Variants in BRINP1 observed in about 807,000 individuals in gnomAD.
BRINP1 encodes the protein BMP/retinoic acid inducible neural specific 1, also known as BMP/retinoic acid-inducible neural-specific protein 1.
BRINP1 carries 17 observed loss-of-function variants against 72.9 expected under a neutral mutation model. That is an observed-to-expected ratio of 0.23 (90% CI 0.16 to 0.35). The LOEUF (loss-of-function observed/expected upper bound fraction) is 0.35. Among genes scored for constraint, BRINP1 ranks in the 10% least tolerant of loss-of-function variants. The pLI is 1.00. For missense variants in BRINP1, 850 were observed against 1,001.6 expected (o/e 0.85, Z 2.04); for synonymous variants, 418 against 378.5 (o/e 1.10, Z -1.21).
At chr9:119,198,814 G>C (rs1829773651) in intron 7 of BRINP1, among the ~76,000 whole-genome samples, 1 of 151,932 alleles carries the variant, frequency 6.6e-6, no homozygotes, top group Non-Finnish European at 1.5e-5. Flanking sequence ...TGGGATTACA[G>C]GTGTGCATCA....
At chr9:119,300,073 G>T (rs963694321) in intron 2 of BRINP1, among the ~76,000 whole-genome samples, 1 of 152,124 alleles carries the variant, frequency 6.6e-6, no homozygotes, top group East Asian at 1.9e-4. Flanking sequence ...TTCACAAAGA[G>T]AACAGAAGCC....
At chr9:119,234,355 T>C (rs573624039) in intron 5 of BRINP1, among the ~76,000 whole-genome samples, 10 of 152,330 alleles carry the variant, frequency 6.6e-5, no homozygotes, top group East Asian at 3.9e-4. Context: ...TTACACTTTT[T>C]TTCCTGACTA....
At chr9:119,238,905 T>C in intron 4 of BRINP1, 145 bp from the exon 5 acceptor site, 2 of 564,498 alleles carry the variant, frequency 3.5e-6, no homozygotes, top group Non-Finnish European at 6.2e-6. Context: ...TTCGTGCTTG[T>C]GTCTGGGACC....
At chr9:119,344,783 A>G (rs753948962) in intron 1 of BRINP1, among the ~76,000 whole-genome samples, 8 of 152,174 alleles carry the variant, frequency 5.3e-5, no homozygotes, top group Non-Finnish European at 1.2e-4. Flanking sequence ...GAAGTACTCA[A>G]TCAGATTATC....
rs1830714635 is a variant in BRINP1, at chr9:119,281,742, C to A, written c.218+31396G>T. On this transcript the variant is annotated intron_variant, in intron 2 of 7. Transcript: ENST00000265922. ...AAACATTTTTAAGCAAAAATAAGGTCATGATGTGTGTGTATGTGTATGCAA... is the reference window on the plus strand; with the variant it reads ...AAACATTTTTAAGCAAAAATAAGGTAATGATGTGTGTGTATGTGTATGCAA... Among the ~76,000 whole-genome samples, 3 of 152,170 alleles carry A rather than the reference C, an allele frequency of 2.0e-5. No homozygotes were observed. In the South Asian group the frequency reaches 6.2e-4, roughly 32 times the overall value.
At chr9:119,179,042 G>A (rs1829523445) in intron 7 of BRINP1, among the ~76,000 whole-genome samples, 1 of 152,072 alleles carries the variant, frequency 6.6e-6, no homozygotes, top group African/African-American at 2.4e-5. Context: ...TGGGGATCAG[G>A]GATAGCAGGG....
intron 7 of BRINP1, among the ~76,000 whole-genome samples, chr9:119,171,561 T>C (rs571788195): frequency 0.02 from 2,876 of 146,710 alleles, 77 homozygotes; most frequent in African/African-American, 0.069. Context: ...CTGTCAACAT[T>C]AGACAGATCA....
intron 7 of BRINP1, among the ~76,000 whole-genome samples, chr9:119,202,650 C>A (rs2118864181): frequency 6.6e-6 from 1 of 152,272 alleles, no homozygotes; most frequent in African/African-American, 2.4e-5. Flanking sequence ...CTTGATATGT[C>A]CAGCTGCAGT....
chr9:119,354,551 G>A (rs1831539513), intron 1 of BRINP1, among the ~76,000 whole-genome samples: 1 of 152,080 alleles, frequency 6.6e-6, no homozygotes, highest in Non-Finnish European at 1.5e-5. Flanking sequence ...CTCAGGGGAT[G>A]TGAGGGTCCA....
intron 7 of BRINP1, among the ~76,000 whole-genome samples, chr9:119,187,635 T>C (rs1039685255): frequency 6.6e-6 from 1 of 151,780 alleles, no homozygotes; most frequent in African/African-American, 2.4e-5. Flanking sequence ...GATATAAACA[T>C]AAGGACACAA....
At chr9:119,356,465 T>C (rs2119037830) in intron 1 of BRINP1, among the ~76,000 whole-genome samples, 1 of 152,328 alleles carries the variant, frequency 6.6e-6, no homozygotes, top group Admixed American at 6.5e-5. Context: ...GCTGTATTCA[T>C]AGCTCATAAA....
intron 1 of BRINP1, among the ~76,000 whole-genome samples, chr9:119,366,667 G>T (rs189864033): frequency 1.1e-4 from 17 of 151,800 alleles, no homozygotes; most frequent in Non-Finnish European, 2.2e-4. Context: ...TTTGATGAGG[G>T]AAGACAAGCG....
At chr9:119,345,797 AACCACTGAGCACAT>A (rs1360406243) in intron 1 of BRINP1, among the ~76,000 whole-genome samples, 1 of 152,232 alleles carries the variant, frequency 6.6e-6, no homozygotes, top group African/African-American at 2.4e-5. Flanking sequence ...GAGAGTTAAC[AACCACTGAGCACAT>A]ACCATGTGTC....
At chr9:119,240,754 C>T (rs1216804064) in intron 4 of BRINP1, among the ~76,000 whole-genome samples, 3 of 152,200 alleles carry the variant, frequency 2.0e-5, no homozygotes, top group Non-Finnish European at 4.4e-5. Flanking sequence ...CTCCCTCCCA[C>T]ACTTTTCTCT....
At chr9:119,234,156 A>G (rs1830171928) in intron 5 of BRINP1, among the ~76,000 whole-genome samples, 1 of 152,188 alleles carries the variant, frequency 6.6e-6, no homozygotes. Flanking sequence ...TTGATGGGTC[A>G]TTGACCAAGG....
intron 1 of BRINP1, among the ~76,000 whole-genome samples, chr9:119,363,887 C>T (rs1831661760): frequency 6.6e-6 from 1 of 152,166 alleles, no homozygotes; most frequent in Non-Finnish European, 1.5e-5. Context: ...TATTGGACAG[C>T]ACAAAAAACA....
Position 119,194,411 on chromosome 9 carries a change from C to G in BRINP1, c.1145+14308G>C, listed in dbSNP as rs187339159. 1.1e-3 allele frequency among the ~76,000 whole-genome samples: 161 copies of G among 152,304 alleles called. 1 individual carries two copies. The highest frequency in any genetic ancestry group is 3.7e-3 in the African/African-American group (153 of 41,564). ...TTCTTCCTCCCCAAGGTTCCAGGCT[C>G]TAATTCCCAGGACCTGTAACGGTGA... On this transcript the variant is annotated intron_variant, in intron 7 of 7. Coordinates refer to ENST00000265922, the MANE Select transcript of BRINP1 (RefSeq NM_014618.3).
chr9:119,356,230 G>GAT (rs1326726545), intron 1 of BRINP1, among the ~76,000 whole-genome samples: 1 of 152,052 alleles, frequency 6.6e-6, no homozygotes, highest in Non-Finnish European at 1.5e-5. Context: ...ACTTCCTACA[G>GAT]ATCTCTGCTC....
chr9:119,307,467 T>G (rs1052128971), intron 2 of BRINP1, among the ~76,000 whole-genome samples: 8 of 152,092 alleles, frequency 5.3e-5, no homozygotes, highest in Non-Finnish European at 8.8e-5. Context: ...CTTGGGAATT[T>G]GAAATGAAAA....
Sources: gnomAD v4.1 joint callset for allele counts (sites outside exome capture counted in the v4.1 genomes callset) on GRCh38, gnomAD v4.1.1 for gene constraint, MANE v1.5 for transcripts, NCBI Gene and HGNC (gene_info 2026-07-23, HGNC 2026-07-21) for gene names.